CTIF: variants seen among roughly 807,000 people sequenced by gnomAD.
The protein encoded by CTIF is cap binding complex dependent translation initiation factor.
A neutral mutation model predicts 66.0 loss-of-function variants in CTIF; 21 were observed. The observed-to-expected ratio is 0.32, with a 90% CI of 0.23 to 0.46. The LOEUF (loss-of-function observed/expected upper bound fraction) is 0.46. Ranked by LOEUF, CTIF falls within the 20% of genes least tolerant of loss-of-function variation. The pLI, the probability that CTIF is intolerant of heterozygous loss-of-function variation, is 1.00. For synonymous variants in CTIF, 345 were observed against 326.4 expected (o/e 1.06, Z -0.62); for missense variants, 739 against 812.7 (o/e 0.91, Z 1.10).
intron 7 of CTIF, 94 bp from the exon 8 acceptor site, chr18:48,757,825 A>G (rs1288019723): frequency 1.4e-6 from 2 of 1,468,358 alleles, no homozygotes; most frequent in African/African-American, 2.8e-5. Flanking sequence ...ATATATGGAC[A>G]AGGCAATGAC....
chr18:48,851,879 A>AT (rs34410244), intron 10 of CTIF, among the ~76,000 whole-genome samples: 4,182 of 151,286 alleles, frequency 0.028, 61 homozygotes, highest in African/African-American at 0.036. Flanking sequence ...TATTTTAAGG[A>AT]TTTTTTTTTC....
At chr18:48,577,428 A>G (rs917733824) in intron 1 of CTIF, among the ~76,000 whole-genome samples, 1 of 152,202 alleles carries the variant, frequency 6.6e-6, no homozygotes. Context: ...TGGCCAGGAC[A>G]CTGAAGGATA....
intron 6 of CTIF, among the ~76,000 whole-genome samples, chr18:48,708,793 G>A (rs2092190922): frequency 6.6e-6 from 1 of 152,210 alleles, no homozygotes; most frequent in Admixed American, 6.5e-5. Flanking sequence ...TGGACCACCA[G>A]GCACTGTGCA....
chr18:48,768,564 C>A (rs1224529725), intron 9 of CTIF, among the ~76,000 whole-genome samples: 2 of 152,200 alleles, frequency 1.3e-5, no homozygotes, highest in Non-Finnish European at 2.9e-5. Flanking sequence ...CTTCTGGATG[C>A]CATGCCACAT....
intron 2 of CTIF, among the ~76,000 whole-genome samples, chr18:48,627,880 G>T (rs71363011): frequency 0.14 from 21,802 of 151,966 alleles, 1,698 homozygotes; most frequent in South Asian, 0.26. Context: ...AGTGGCCAGG[G>T]CAAAACTCTG....
chr18:48,613,725 C>G (rs1295172002), intron 1 of CTIF, among the ~76,000 whole-genome samples: 1 of 152,178 alleles, frequency 6.6e-6, no homozygotes, highest in African/African-American at 2.4e-5. Context: ...GCATCCCTTT[C>G]CCCAGACAGA....
intron 10 of CTIF, among the ~76,000 whole-genome samples, chr18:48,833,345 G>A (rs570963034): frequency 1.3e-5 from 2 of 152,322 alleles, no homozygotes; most frequent in South Asian, 2.1e-4. Flanking sequence ...GAGGGTAGCC[G>A]TGTGGGCTGC....
At chr18:48,819,420 G>A (rs534239186) in intron 10 of CTIF, among the ~76,000 whole-genome samples, 50 of 152,320 alleles carry the variant, frequency 3.3e-4, no homozygotes, top group Non-Finnish European at 3.4e-4. Flanking sequence ...GACCTGAATT[G>A]CCCCAACACG....
At chr18:48,693,827 CA>C (rs1325620952) in intron 6 of CTIF, among the ~76,000 whole-genome samples, 2 of 152,206 alleles carry the variant, frequency 1.3e-5, no homozygotes, top group African/African-American at 4.8e-5. Context: ...CATACAGCTG[CA>C]GAGCTGAGTC....
At chr18:48,546,055 G>A (rs543997395) in intron 1 of CTIF, among the ~76,000 whole-genome samples, 1 of 152,308 alleles carries the variant, frequency 6.6e-6, no homozygotes, top group Admixed American at 6.5e-5. Flanking sequence ...GCCCCTTGGA[G>A]TGTACAGAGT....
chr18:48,790,012 G>A (rs897413299), intron 9 of CTIF, among the ~76,000 whole-genome samples: 2 of 152,208 alleles, frequency 1.3e-5, no homozygotes, highest in Non-Finnish European at 2.9e-5. Flanking sequence ...AAAATGGGAT[G>A]ATCACAGCTT....
intron 7 of CTIF, among the ~76,000 whole-genome samples, chr18:48,753,089 G>T (rs1158681106): frequency 6.6e-6 from 1 of 152,196 alleles, no homozygotes; most frequent in Admixed American, 6.5e-5. Context: ...AGGTGACTGG[G>T]CCAGGGCAGG....
intron 6 of CTIF, among the ~76,000 whole-genome samples, chr18:48,687,636 C>T (rs2091863816): frequency 6.6e-6 from 1 of 152,236 alleles, no homozygotes; most frequent in Non-Finnish European, 1.5e-5. Flanking sequence ...TCTTGTCCGA[C>T]ACCACCTCTG....
intron 7 of CTIF, among the ~76,000 whole-genome samples, chr18:48,719,377 A>G (rs1002040527): frequency 1.3e-5 from 2 of 152,184 alleles, no homozygotes; most frequent in Non-Finnish European, 2.9e-5. Context: ...ACATCCTACA[A>G]AAATGACCAG....
intron 1 of CTIF, among the ~76,000 whole-genome samples, chr18:48,576,650 G>A (rs868189823): frequency 3.3e-5 from 5 of 152,302 alleles, no homozygotes; most frequent in Non-Finnish European, 5.9e-5. Context: ...AAGTCTCTCC[G>A]TAATACCAAA....
At chr18:48,753,479 G>A (rs187453087) in intron 7 of CTIF, among the ~76,000 whole-genome samples, 70 of 152,036 alleles carry the variant, frequency 4.6e-4, no homozygotes, top group Middle Eastern at 6.8e-3. Flanking sequence ...GAACATTTTT[G>A]TCTTTTTGTA....
At chr18:48,795,374 A>G (rs2146175309) in intron 9 of CTIF, among the ~76,000 whole-genome samples, 1 of 152,290 alleles carries the variant, frequency 6.6e-6, no homozygotes, top group Admixed American at 6.5e-5. Context: ...GATTCTGATA[A>G]TGCAGTTTTT....
intron 7 of CTIF, among the ~76,000 whole-genome samples, chr18:48,743,800 A>C (rs1414224913): frequency 6.6e-6 from 1 of 152,164 alleles, no homozygotes; most frequent in Non-Finnish European, 1.5e-5. Context: ...TTTAACACTT[A>C]AGAGTGTTTC....
chr18:48,746,028 G>T (rs2092593359), intron 7 of CTIF, among the ~76,000 whole-genome samples: 2 of 152,212 alleles, frequency 1.3e-5, no homozygotes, highest in Non-Finnish European at 2.9e-5. Flanking sequence ...AGTGGAGGAG[G>T]CAGTCCCAGA....
Sources: gnomAD v4.1 joint callset for allele counts (sites outside exome capture counted in the v4.1 genomes callset) on GRCh38, gnomAD v4.1.1 for gene constraint, MANE v1.5 for transcripts, NCBI Gene and HGNC (gene_info 2026-07-23, HGNC 2026-07-21) for gene names.